The following TUBA1C variants were observed in gnomAD, a reference collection of about 807,000 sequenced individuals.
The protein encoded by TUBA1C is tubulin alpha 1c.
TUBA1C carries 16 observed loss-of-function variants against 34.9 expected under a neutral mutation model. The ratio of observed to expected loss-of-function variants is 0.46; its 90% CI spans 0.31 to 0.70. The LOEUF (loss-of-function observed/expected upper bound fraction) is 0.70. TUBA1C is among the 30% of genes least tolerant of loss of function. The pLI, the probability that TUBA1C is intolerant of heterozygous loss-of-function variation, is 0.05. For synonymous variants in TUBA1C, 177 were observed against 215.9 expected, an observed-to-expected ratio of 0.82 and a Z score of 1.58; for missense variants, 329 against 587.3, an observed-to-expected ratio of 0.56 and a Z score of 4.55.
intron 1 of TUBA1C, among the ~76,000 whole-genome samples, chr12:49,250,663 A>G (rs1942724266): frequency 6.6e-6 from 1 of 152,184 alleles, no homozygotes; most frequent in African/African-American, 2.4e-5. Flanking sequence ...CTATGATCCC[A>G]ACACTTTGGG....
At position 49,272,615 on chromosome 12, in the gene TUBA1C, A is replaced by G. The variant is rs1304604938; in HGVS notation, c.738A>G (p.Gly246=). ...TCACTGCTTCCCTGAGATTTGATGG[A>G]GCCCTGAATGTTGACCTGACAGAAT... The part of the protein sequence containing the change: ...SSITASLRFD[G]ALNVDLTEFQ... The change falls in exon 4 of 4, where the codon GGA becomes GGG. Residue 246 remains glycine (G), a synonymous_variant. Transcript: ENST00000301072. The G allele has an allele frequency of 1.9e-6, 3 of 1,608,124 alleles. No homozygotes were observed. The highest frequency in any genetic ancestry group is 2.5e-6 in the Non-Finnish European group (3 of 1,177,866).
chr12:49,258,957 C>A (rs1267011914), intron 1 of TUBA1C, among the ~76,000 whole-genome samples: 1 of 151,902 alleles, frequency 6.6e-6, no homozygotes, highest in Non-Finnish European at 1.5e-5. Flanking sequence ...CGGGGTTTCT[C>A]CGTGTTGGTC....
chr12:49,266,434 CAAAA>C (rs934400855), intron 1 of TUBA1C, among the ~76,000 whole-genome samples: 5 of 150,174 alleles, frequency 3.3e-5, no homozygotes, highest in Non-Finnish European at 7.4e-5. Flanking sequence ...CGTCCAAAAA[CAAAA>C]AAAAACCCGC....
At chr12:49,258,369 T>G (rs1592282240) in intron 1 of TUBA1C, among the ~76,000 whole-genome samples, 3 of 151,540 alleles carry the variant, frequency 2.0e-5, no homozygotes, top group Admixed American at 2.0e-4. Context: ...AGCCCAGGAG[T>G]TTGTGAGCAG....
intron 1 of TUBA1C, among the ~76,000 whole-genome samples, chr12:49,230,774 A>G (rs537041290): frequency 1.3e-5 from 2 of 152,330 alleles, no homozygotes; most frequent in African/African-American, 4.8e-5. Context: ...GGAGCTATGG[A>G]GGTCATCATG....
At chr12:49,262,510 T>C (rs1357430455), upstream of TUBA1C, among the ~76,000 whole-genome samples, 1 of 148,884 alleles carries the variant, frequency 6.7e-6, no homozygotes, top group East Asian at 2.1e-4. Flanking sequence ...CTGGGCAAAC[T>C]GGCTCATGCC....
At position 49,242,938 on chromosome 12, in the gene TUBA1C, G is replaced by A. The variant is rs1054947415; in HGVS notation, c.213+14772G>A. 5.3e-5 allele frequency among the ~76,000 whole-genome samples: 8 copies of A among 151,938 alleles called. No homozygotes were observed. The East Asian group carries it at 1.6e-3, about 30-fold the overall frequency. On this transcript the variant is annotated intron_variant, in intron 1 of 3. Transcript: ENST00000541364. Reference sequence around the variant, plus strand: ...TCCCACCTTAGTGGCCTGAGTAGCTGGGACTACAGGCGCATGCACCACCAC... The same window carrying A: ...TCCCACCTTAGTGGCCTGAGTAGCTAGGACTACAGGCGCATGCACCACCAC...
rs373800008 is a variant in TUBA1C at position 49,231,769 on chromosome 12, G to A, written c.213+3603G>A. 1.6e-4 allele frequency among the ~76,000 whole-genome samples: 24 copies of A among 151,708 alleles called. No homozygotes were observed. In the South Asian group the frequency reaches 2.1e-3, roughly 13 times the overall value. On this transcript the variant is annotated intron_variant, in intron 1 of 3. Coordinates refer to the TUBA1C transcript ENST00000541364. ...TCGCTATGTTGACTAGGCTGGTCTC[G>A]AACTCCTGGCCTCAATTGATCCTCC...
chr12:49,269,545 C>T lies in TUBA1C; in HGVS notation c.84C>T (p.His28=), dbSNP rs576580429. The T allele has an allele frequency of 8.1e-6, 13 of 1,614,104 alleles. No individual in the cohort carries two copies. Among genetic ancestry groups the T allele is most frequent in the South Asian group, 2.2e-5 (2 of 91,088 alleles). The stretch of plus-strand genomic sequence containing the variant: ...GCTGGGAGCTCTACTGCCTGGAACA[C>T]GGCATCCAGCCCGATGGCCAGATGC... The part of the protein sequence containing the change: ...NACWELYCLE[H]GIQPDGQMPS... Residue 28 remains histidine (H), a synonymous_variant, in exon 2 of 4, where the codon CAC becomes CAT. Transcript: ENST00000301072.
chr12:49,243,049 C>T (rs1027879650), intron 1 of TUBA1C, among the ~76,000 whole-genome samples: 1 of 152,168 alleles, frequency 6.6e-6, no homozygotes, highest in Admixed American at 6.6e-5. Flanking sequence ...CTCAAGTAAT[C>T]TGCCTGCCTC....
upstream of TUBA1C, among the ~76,000 whole-genome samples, chr12:49,264,486 C>T (rs1468355066): frequency 2.0e-5 from 3 of 152,182 alleles, no homozygotes; most frequent in East Asian, 5.8e-4. Flanking sequence ...CGGGCGCCCG[C>T]GGGCCCAGCC....
At chr12:49,232,010 G>A (rs1942503076) in intron 1 of TUBA1C, among the ~76,000 whole-genome samples, 2 of 152,166 alleles carry the variant, frequency 1.3e-5, no homozygotes, top group South Asian at 4.1e-4. Flanking sequence ...TTTCCTGGCT[G>A]GGGGTGGCTC....
At chr12:49,270,030 G>T in intron 3 of TUBA1C, 54 bp downstream of exon 3, 1 of 1,614,132 alleles carries the variant, frequency 6.2e-7, no homozygotes, top group African/African-American at 1.3e-5. Context: ...GCAGTTCTGA[G>T]ACCAAACTAC....
intron 1 of TUBA1C, among the ~76,000 whole-genome samples, chr12:49,250,997 G>A (rs1055846923): frequency 1.3e-5 from 2 of 151,942 alleles, no homozygotes; most frequent in Non-Finnish European, 2.9e-5. Flanking sequence ...ACTTGAGGTC[G>A]GGAGTTCAAG....
intron 1 of TUBA1C, among the ~76,000 whole-genome samples, chr12:49,235,328 A>T (rs1246752533): frequency 6.6e-6 from 1 of 151,854 alleles, no homozygotes; most frequent in Non-Finnish European, 1.5e-5. Flanking sequence ...GCGAAAATTC[A>T]GCTGGGGCGC....
chr12:49,260,611 AG>A (rs759421701), upstream of TUBA1C, among the ~76,000 whole-genome samples: 57 of 152,266 alleles, frequency 3.7e-4, no homozygotes, highest in Non-Finnish European at 1.3e-4. Flanking sequence ...TAAAAGTTAA[AG>A]GATCCAAGGA....
intron 1 of TUBA1C, chr12:49,233,012 G>C (rs916616158): frequency 6.6e-6 from 1 of 152,192 alleles, no homozygotes; most frequent in East Asian, 1.9e-4. Context: ...GAAAGCAGCT[G>C]GTTTACGAGA....
intron 1 of TUBA1C, among the ~76,000 whole-genome samples, chr12:49,247,570 C>A (rs768166351): frequency 2.0e-5 from 3 of 152,034 alleles, no homozygotes; most frequent in Non-Finnish European, 2.9e-5. Context: ...CACCACTGCA[C>A]TCTAGCCTGG....
upstream of TUBA1C, among the ~76,000 whole-genome samples, chr12:49,261,914 T>C (rs1274294512): frequency 3.3e-5 from 5 of 152,222 alleles, no homozygotes; most frequent in Non-Finnish European, 5.9e-5. Flanking sequence ...ATTTATCTAA[T>C]GTTCTGGTGA....
Sources: gnomAD v4.1 joint callset for allele counts (sites outside exome capture counted in the v4.1 genomes callset) on GRCh38, gnomAD v4.1.1 for gene constraint, MANE v1.5 for transcripts, NCBI Gene and HGNC (gene_info 2026-07-23, HGNC 2026-07-21) for gene names.